MDGA2: variants seen among roughly 807,000 people sequenced by gnomAD.
MDGA2 encodes MAM domain containing glycosylphosphatidylinositol anchor 2, also known as MAM domain-containing glycosylphosphatidylinositol anchor protein 2.
A neutral mutation model predicts 117.8 loss-of-function variants in MDGA2; 40 were observed. That is an observed-to-expected ratio of 0.34 (90% CI 0.26 to 0.44). The LOEUF is 0.44. Ranked by LOEUF, MDGA2 falls within the 20% of genes least tolerant of loss-of-function variation. The pLI, the probability that MDGA2 is intolerant of heterozygous loss-of-function variation, is 1.00. For missense variants in MDGA2, 1,123 were observed against 1,250.6 expected, an observed-to-expected ratio of 0.90 and a Z score of 1.54; for synonymous variants, 452 against 439.0, an observed-to-expected ratio of 1.03 and a Z score of -0.37.
intron 10 of MDGA2, among the ~76,000 whole-genome samples, chr14:46,914,229 T>C (rs1883817515): frequency 6.6e-6 from 1 of 152,128 alleles, no homozygotes; most frequent in Non-Finnish European, 1.5e-5. Flanking sequence ...AAATAATCTT[T>C]TTCTCTTTCC....
At chr14:47,381,935 G>A (rs1891639435) in intron 1 of MDGA2, among the ~76,000 whole-genome samples, 1 of 152,092 alleles carries the variant, frequency 6.6e-6, no homozygotes, top group Admixed American at 6.5e-5. Context: ...CAAAGCTGGA[G>A]GCATCACACT....
intron 9 of MDGA2, among the ~76,000 whole-genome samples, chr14:46,925,818 G>GA (rs954285362): frequency 6.6e-6 from 1 of 151,828 alleles, no homozygotes; most frequent in Non-Finnish European, 1.5e-5. Context: ...TCTTAAAGAA[G>GA]AAAAAATCAA....
At chr14:47,499,274 C>G (rs540765073) in intron 1 of MDGA2, among the ~76,000 whole-genome samples, 88 of 152,082 alleles carry the variant, frequency 5.8e-4, no homozygotes, top group Non-Finnish European at 1.1e-3. Context: ...CAAATCTTAG[C>G]ATATTGGAGA....
chr14:47,209,440 G>C (rs1156746371), intron 3 of MDGA2, among the ~76,000 whole-genome samples: 2 of 152,162 alleles, frequency 1.3e-5, no homozygotes, highest in Non-Finnish European at 2.9e-5. Context: ...GCAACTGAGG[G>C]AAAGCTGACA....
At chr14:47,609,996 T>C (rs968945674) in intron 1 of MDGA2, among the ~76,000 whole-genome samples, 3 of 151,888 alleles carry the variant, frequency 2.0e-5, no homozygotes, top group African/African-American at 7.2e-5. Context: ...GAATCCACCA[T>C]GATCAAGTGG....
intron 1 of MDGA2, among the ~76,000 whole-genome samples, chr14:47,577,295 T>A (rs1303480803): frequency 2.6e-5 from 4 of 152,124 alleles, no homozygotes; most frequent in Admixed American, 2.6e-4. Flanking sequence ...TAACTCCAGA[T>A]GGGTTAAAGA....
chr14:47,001,769 C>A (rs1036987982), intron 8 of MDGA2, among the ~76,000 whole-genome samples: 13 of 151,906 alleles, frequency 8.6e-5, no homozygotes, highest in African/African-American at 3.1e-4. Flanking sequence ...TACTGAAATG[C>A]AAGGTTATAA....
At chr14:47,096,173 C>G (rs1479707788) in intron 6 of MDGA2, among the ~76,000 whole-genome samples, 1 of 151,974 alleles carries the variant, frequency 6.6e-6, no homozygotes, top group Non-Finnish European at 1.5e-5. Context: ...ATAAGCATTG[C>G]GTCTTCTATC....
chr14:47,387,849 TC>T (rs1891796794), intron 1 of MDGA2, among the ~76,000 whole-genome samples: 1 of 152,152 alleles, frequency 6.6e-6, no homozygotes, highest in Non-Finnish European at 1.5e-5. Context: ...AGAAAGACCC[TC>T]TCTATGTCCA....
chr14:46,983,345 T>C (rs938548943), intron 8 of MDGA2, among the ~76,000 whole-genome samples: 1 of 152,144 alleles, frequency 6.6e-6, no homozygotes, highest in Non-Finnish European at 1.5e-5. Flanking sequence ...AATGTGGTCA[T>C]ATTATTTTTA....
chr14:46,871,172 T>C (rs1221199037), intron 14 of MDGA2: 1 of 152,032 alleles, frequency 6.6e-6, no homozygotes, highest in Non-Finnish European at 1.5e-5. Flanking sequence ...TTTCATTGGT[T>C]CTTTAAGTGA....
At chr14:46,979,856 C>T (rs889208187) in intron 8 of MDGA2, among the ~76,000 whole-genome samples, 12 of 152,046 alleles carry the variant, frequency 7.9e-5, no homozygotes, top group Non-Finnish European at 1.3e-4. Context: ...GCAAGTTATC[C>T]GGAAGATCTA....
chr14:47,479,006 G>A (rs1421546914), intron 1 of MDGA2, among the ~76,000 whole-genome samples: 2 of 152,254 alleles, frequency 1.3e-5, no homozygotes, highest in Non-Finnish European at 2.9e-5. Flanking sequence ...AATTAGTTCC[G>A]AGAGTAACAG....
intron 1 of MDGA2, among the ~76,000 whole-genome samples, chr14:47,430,089 A>G (rs80145252): frequency 0.023 from 3,558 of 151,434 alleles, 135 homozygotes; most frequent in African/African-American, 0.083. Context: ...ATCTACAGGT[A>G]CAGTTCCTAC....
intron 1 of MDGA2, among the ~76,000 whole-genome samples, chr14:47,547,255 A>G (rs769816701): frequency 2.3e-4 from 35 of 152,208 alleles, no homozygotes; most frequent in Non-Finnish European, 4.7e-4. Context: ...GGCCAGGGCA[A>G]CAATAAAAGG....
At chr14:46,886,229 C>T (rs961134752) in intron 10 of MDGA2, among the ~76,000 whole-genome samples, 1 of 151,904 alleles carries the variant, frequency 6.6e-6, no homozygotes, top group Non-Finnish European at 1.5e-5. Context: ...GTATATTCAT[C>T]GCATAGAAAA....
At chr14:47,118,217 T>G (rs1008153160) in intron 5 of MDGA2, among the ~76,000 whole-genome samples, 10 of 152,166 alleles carry the variant, frequency 6.6e-5, no homozygotes, top group African/African-American at 2.2e-4. Context: ...TATCAGGGAT[T>G]TCAGACATTC....
intron 1 of MDGA2, among the ~76,000 whole-genome samples, chr14:47,649,490 C>A: frequency 6.6e-6 from 1 of 152,176 alleles, no homozygotes; most frequent in East Asian, 1.9e-4. Flanking sequence ...CCTGGGAGAC[C>A]AGCCTGGCCA....
chr14:47,163,734 T>C (rs1280136439), intron 3 of MDGA2, among the ~76,000 whole-genome samples: 1 of 152,202 alleles, frequency 6.6e-6, no homozygotes, highest in African/African-American at 2.4e-5. Context: ...TTAGCCAACC[T>C]TGCACTCAGA....
Sources: allele counts gnomAD v4.1 joint callset (sites outside exome capture counted in the v4.1 genomes callset), GRCh38; gene constraint gnomAD v4.1.1; transcripts MANE v1.5; gene names NCBI Gene and HGNC (gene_info 2026-07-23, HGNC 2026-07-21).